EDIL3: variants seen among roughly 807,000 people sequenced by gnomAD.
The protein encoded by EDIL3 is EGF like and discoidin domains 3, also known as EGF-like repeat and discoidin I-like domain-containing protein 3.
EDIL3 carries 37 observed loss-of-function variants against 67.4 expected under a neutral mutation model. The ratio of observed to expected loss-of-function variants is 0.55; its 90% CI spans 0.42 to 0.72. The LOEUF (loss-of-function observed/expected upper bound fraction) is 0.72, where lower values mean the gene tolerates loss of function less well. Ranked by LOEUF, EDIL3 falls within the 30% of genes least tolerant of loss-of-function variation. The probability of loss-of-function intolerance (pLI) is 0.00; values close to 1 mark genes in which losing one functional copy is unlikely to be tolerated. For synonymous variants in EDIL3, 195 were observed against 196.3 expected, an observed-to-expected ratio of 0.99 and a Z score of 0.05; for missense variants, 527 against 586.3, an observed-to-expected ratio of 0.90 and a Z score of 1.04.
At chr5:84,231,958 G>A (rs1469881347) in intron 2 of EDIL3, among the ~76,000 whole-genome samples, 2 of 152,142 alleles carry the variant, frequency 1.3e-5, no homozygotes, top group Non-Finnish European at 2.9e-5. Flanking sequence ...CAACCAATGA[G>A]ATGAAAATAT....
intron 1 of EDIL3, among the ~76,000 whole-genome samples, chr5:84,352,493 G>A (rs908291612): frequency 7.9e-5 from 12 of 152,108 alleles, no homozygotes; most frequent in African/African-American, 2.7e-4. Context: ...TGTCTTTGCA[G>A]CAACATGGAT....
intron 9 of EDIL3, among the ~76,000 whole-genome samples, chr5:83,970,555 TTTTCC>T (rs1330911219): frequency 6.8e-6 from 1 of 147,582 alleles, no homozygotes; most frequent in Non-Finnish European, 1.5e-5. Flanking sequence ...TTTCTCTGAG[TTTTCC>T]TTTCAAGTTT....
chr5:84,336,334 C>T (rs571113854), intron 1 of EDIL3, among the ~76,000 whole-genome samples: 6 of 152,256 alleles, frequency 3.9e-5, no homozygotes, highest in Admixed American at 3.9e-4. Flanking sequence ...CATGAGAAGC[C>T]TTGCAAGATA....
chr5:84,268,800 A>C (rs1745402493), intron 1 of EDIL3, among the ~76,000 whole-genome samples: 1 of 152,180 alleles, frequency 6.6e-6, no homozygotes, highest in African/African-American at 2.4e-5. Context: ...ACATCTTTCT[A>C]ATTCTAAAAA....
intron 1 of EDIL3, among the ~76,000 whole-genome samples, chr5:84,262,457 G>C (rs371418305): frequency 1.3e-5 from 2 of 151,806 alleles, no homozygotes; most frequent in African/African-American, 4.8e-5. Flanking sequence ...AATTCACTGA[G>C]TTAAGAAAAA....
At chr5:84,362,950 T>C (rs1747642648) in intron 1 of EDIL3, among the ~76,000 whole-genome samples, 2 of 151,966 alleles carry the variant, frequency 1.3e-5, no homozygotes, top group South Asian at 4.1e-4. Context: ...AACAATTTTA[T>C]GTTTTTGTTT....
chr5:84,031,639 G>A (rs764892345), intron 9 of EDIL3, among the ~76,000 whole-genome samples: 2 of 152,178 alleles, frequency 1.3e-5, no homozygotes, highest in Non-Finnish European at 2.9e-5. Flanking sequence ...CAAGAAGATG[G>A]TCATCTAGGA....
chr5:84,339,009 C>A (rs1047373764), intron 1 of EDIL3, among the ~76,000 whole-genome samples: 2 of 152,042 alleles, frequency 1.3e-5, no homozygotes, highest in Non-Finnish European at 2.9e-5. Context: ...TCCTTCTGTC[C>A]ACCCTTTCTC....
chr5:83,943,413 C>T lies in EDIL3; in HGVS notation c.*6G>A. ...AGGGAAGAGGGTTGTGAAATGTAGC[C>T]TCCCCTCATTCCTCCTCTGTGCAGC... On this transcript the variant is annotated 3_prime_UTR_variant, in exon 11 of 11. Transcript: ENST00000296591. The T allele has an allele frequency of 1.9e-6, 3 of 1,612,216 alleles. 1 individual carries two copies. Among genetic ancestry groups the T allele is most frequent in the Non-Finnish European group, 2.5e-6 (3 of 1,178,956 alleles).
At chr5:84,253,952 C>A in intron 2 of EDIL3, 132 bp downstream of exon 2, 2 of 830,026 alleles carry the variant, frequency 2.4e-6, no homozygotes, top group Admixed American at 7.7e-5. Context: ...ACTGAGAATC[C>A]TACACAAAAG....
intron 4 of EDIL3, among the ~76,000 whole-genome samples, chr5:84,151,259 G>A (rs1022051298): frequency 1.8e-4 from 24 of 136,220 alleles, no homozygotes; most frequent in South Asian, 1.6e-3. Context: ...ACACACACAC[G>A]CACATACACA....
chr5:83,985,505 G>C (rs1210832327), intron 9 of EDIL3, among the ~76,000 whole-genome samples: 1 of 151,934 alleles, frequency 6.6e-6, no homozygotes, highest in East Asian at 1.9e-4. Flanking sequence ...GGAAAGCTGT[G>C]GGAAATGGGT....
intron 1 of EDIL3, among the ~76,000 whole-genome samples, chr5:84,365,250 A>G (rs999311236): frequency 1.8e-4 from 28 of 152,176 alleles, no homozygotes; most frequent in African/African-American, 6.8e-4. Context: ...ATGAACTAGT[A>G]GATTACAAAA....
chr5:84,301,607 A>C (rs949080169), intron 1 of EDIL3, among the ~76,000 whole-genome samples: 2 of 152,192 alleles, frequency 1.3e-5, no homozygotes, highest in African/African-American at 4.8e-5. Flanking sequence ...TTTTGTCAAA[A>C]GCCTGTCATA....
At chr5:84,223,641 A>G (rs1436761514) in intron 3 of EDIL3, among the ~76,000 whole-genome samples, 1 of 151,612 alleles carries the variant, frequency 6.6e-6, no homozygotes, top group Non-Finnish European at 1.5e-5. Flanking sequence ...TGGGGGAAAT[A>G]TAAGTCAAAT....
At chr5:84,143,202 AATTT>A (rs1345214624) in intron 4 of EDIL3, among the ~76,000 whole-genome samples, 1 of 152,064 alleles carries the variant, frequency 6.6e-6, no homozygotes, top group Non-Finnish European at 1.5e-5. Context: ...TTATCTAGAT[AATTT>A]ATTTCCCAGT....
At chr5:84,054,754 G>A (rs1216557972) in intron 9 of EDIL3, among the ~76,000 whole-genome samples, 1 of 151,812 alleles carries the variant, frequency 6.6e-6, no homozygotes, top group Non-Finnish European at 1.5e-5. Context: ...ACTTACAAGG[G>A]ATGTGAAGGA....
intron 1 of EDIL3, among the ~76,000 whole-genome samples, chr5:84,380,320 T>C (rs914179444): frequency 6.6e-6 from 1 of 152,056 alleles, no homozygotes; most frequent in East Asian, 1.9e-4. Flanking sequence ...TAGGAATGGC[T>C]TAGCTTTGGT....
At chr5:84,179,101 T>C (rs1748971153) in intron 4 of EDIL3, among the ~76,000 whole-genome samples, 1 of 152,172 alleles carries the variant, frequency 6.6e-6, no homozygotes, top group Non-Finnish European at 1.5e-5. Context: ...TGTTTCCCTC[T>C]GGGCACTGCC....
Sources: allele counts gnomAD v4.1 joint callset (sites outside exome capture counted in the v4.1 genomes callset), GRCh38; gene constraint gnomAD v4.1.1; transcripts MANE v1.5; gene names NCBI Gene and HGNC (gene_info 2026-07-23, HGNC 2026-07-21).